The following CHORDC1 variants were observed in gnomAD, a reference collection of about 807,000 sequenced individuals.
CHORDC1 encodes the protein cysteine and histidine rich domain containing 1, also known as cysteine and histidine-rich domain-containing protein 1.
In CHORDC1, 25 loss-of-function variants were observed where a neutral mutation model predicts 48.3. That is an observed-to-expected ratio of 0.52 (90% CI 0.38 to 0.72). The LOEUF (loss-of-function observed/expected upper bound fraction) is 0.72, where lower values mean the gene tolerates loss of function less well. CHORDC1 is among the 30% of genes least tolerant of loss of function. CHORDC1 has a pLI of 0.00. For synonymous variants in CHORDC1, 128 were observed against 126.4 expected (o/e 1.01, Z -0.09); for missense variants, 317 against 388.7 (o/e 0.82, Z 1.55).
chr11:90,206,309 T>A lies in CHORDC1; in HGVS notation c.493-37A>T, dbSNP rs768955321. ...ACAAAGAGAAAAAAAATTAGCTGCG[T>A]ATCTTACAGTTACATCTCATACATA... On this transcript the variant is annotated intron_variant, in intron 6 of 10. Coordinates refer to ENST00000320585, the MANE Select transcript of CHORDC1 (RefSeq NM_012124.3). 3.6e-6 allele frequency: 4 copies of A among 1,111,618 alleles called. No individual in the cohort carries two copies. In the South Asian group the frequency reaches 5.0e-5, roughly 14 times the overall value. 68.9% of individuals were successfully genotyped at this position (1,111,618 alleles called of 1,614,324 possible). A position where few individuals can be genotyped will look rare whatever the true frequency, so the allele number is the denominator to read the frequency against.
intron 6 of CHORDC1, 80 bp downstream of exon 6, chr11:90,210,456 T>C: frequency 2.4e-6 from 2 of 832,784 alleles, no homozygotes; most frequent in East Asian, 5.0e-5. Context: ...CAAATGTTTG[T>C]TGAATTGAGT....
At chr11:90,213,173 G>A (rs1459672708) in intron 4 of CHORDC1, 3 of 407,166 alleles carry the variant, frequency 7.4e-6, no homozygotes, top group African/African-American at 2.0e-5. Flanking sequence ...TACTCAGAGT[G>A]CTAATGAACA....
At chr11:90,203,892 C>T (rs1857602987) in intron 8 of CHORDC1, among the ~76,000 whole-genome samples, 2 of 152,076 alleles carry the variant, frequency 1.3e-5, no homozygotes, top group African/African-American at 4.8e-5. Flanking sequence ...AGAAAAAAAT[C>T]TGACCAGTTA....
At chr11:90,221,035 G>GA (rs980045588) in intron 1 of CHORDC1, among the ~76,000 whole-genome samples, 1 of 149,960 alleles carries the variant, frequency 6.7e-6, no homozygotes, top group Non-Finnish European at 1.5e-5. Context: ...TCTCTAGGGG[G>GA]AAAAAAAAAT....
Position 90,212,974 on chromosome 11 carries a change from C to T in CHORDC1, c.329+1044G>A, listed in dbSNP as rs151047258. On this transcript the variant is annotated intron_variant, in intron 4 of 10. Transcript: ENST00000320585. ...GCCCATCATTTAAAGAAAAAATTAA[C>T]TCATACTATTATAGTACAGACTGTA... 2.6e-3 allele frequency: 395 copies of T among 153,064 alleles called. 1 individual carries two copies. The highest frequency in any genetic ancestry group is 3.8e-3 in the Non-Finnish European group (262 of 68,640). The allele number at this position is 153,064 out of a possible 1,614,324, so 9.5% of individuals were successfully genotyped here. A position where few individuals can be genotyped will look rare whatever the true frequency, so the allele number is the denominator to read the frequency against.
intron 7 of CHORDC1, chr11:90,205,804 G>T: frequency 2.1e-6 from 1 of 485,162 alleles, no homozygotes; most frequent in Non-Finnish European, 3.6e-6. Context: ...CAGAAGAGAG[G>T]CTCTCAACTG....
At chr11:90,202,790 T>C (rs1389189944) in intron 10 of CHORDC1, 23 bp downstream of exon 10, 3 of 1,571,548 alleles carry the variant, frequency 1.9e-6, no homozygotes, top group African/African-American at 2.8e-5. Flanking sequence ...GAAAAAAAAT[T>C]CTTATAAATT....
intron 9 of CHORDC1, 144 bp from the exon 10 acceptor site, chr11:90,203,019 G>A (rs1490300753): frequency 7.2e-6 from 8 of 1,108,526 alleles, no homozygotes; most frequent in South Asian, 1.9e-5. Flanking sequence ...TATGAGAAAA[G>A]CCACTGACAA....
intron 6 of CHORDC1, chr11:90,207,057 A>G (rs1857716101): frequency 6.9e-6 from 2 of 289,014 alleles, no homozygotes; most frequent in South Asian, 6.7e-5. Context: ...TCTTTTCCCC[A>G]TATTATTTGA....
At position 90,222,979 on chromosome 11, in the gene CHORDC1, A is replaced by G. The variant is rs751291513; in HGVS notation, c.-25T>C. On this transcript the variant is annotated 5_prime_UTR_variant, in exon 1 of 11. Transcript: ENST00000320585. ...TTTTCTTTTCCCACCGTCACAGGCA[A>G]GGCCCAAACACCGGGAACGGCAAGA... 13 of 1,602,396 alleles carry G rather than the reference A, an allele frequency of 8.1e-6. No individual in the cohort carries two copies. In the East Asian group the frequency reaches 2.9e-4, roughly 36 times the overall value.
intron 9 of CHORDC1, 96 bp from the exon 10 acceptor site, chr11:90,202,971 A>G: frequency 1.5e-6 from 2 of 1,372,464 alleles, no homozygotes; most frequent in East Asian, 5.0e-5. Context: ...AAAATGAATT[A>G]AGCTATTTTA....
intron 1 of CHORDC1, among the ~76,000 whole-genome samples, chr11:90,218,498 G>T (rs907550776): frequency 6.6e-6 from 1 of 152,012 alleles, no homozygotes; most frequent in Non-Finnish European, 1.5e-5. Flanking sequence ...CCCAAATTTT[G>T]ACCATCATTT....
intron 1 of CHORDC1, among the ~76,000 whole-genome samples, chr11:90,222,108 A>G (rs1858185863): frequency 6.6e-6 from 1 of 152,218 alleles, no homozygotes; most frequent in Admixed American, 6.5e-5. Context: ...CTTCTTTGTC[A>G]ATCAAAATTT....
intron 1 of CHORDC1, among the ~76,000 whole-genome samples, chr11:90,219,513 G>T (rs1193922101): frequency 1.3e-5 from 2 of 152,222 alleles, no homozygotes; most frequent in African/African-American, 4.8e-5. Context: ...AGGCTAGAAG[G>T]TTGTGAGTCT....
At position 90,202,475 on chromosome 11, in the gene CHORDC1, A is replaced by C; in HGVS notation, c.929T>G (p.Met310Arg). 6.2e-7 allele frequency: 1 copy of C among 1,612,544 alleles called. No homozygotes were observed. Among genetic ancestry groups the C allele is most frequent in the Non-Finnish European group, 8.5e-7 (1 of 1,179,686 alleles). The change falls in exon 11 of 11, where the codon ATG becomes AGG. Residue 310 changes from methionine to arginine, a missense_variant. By Grantham distance (91) the Met-to-Arg change is moderately conservative (BLOSUM62 -1). Coordinates refer to ENST00000320585, the MANE Select transcript of CHORDC1 (RefSeq NM_012124.3). ...AGGCAGTTCAAGGCTTGCCCACTGC[A>C]TCGGTTCAGCTTTTCTCATAGTGAT... The part of the protein sequence containing the change: ...IEITMRKAEP[M>R]QWASLELPAA...
intron 6 of CHORDC1, chr11:90,207,182 A>G (rs1345763412): frequency 6.2e-6 from 1 of 161,852 alleles, no homozygotes; most frequent in Non-Finnish European, 1.4e-5. Context: ...TGACTTGAAT[A>G]TATTAATTTG....
chr11:90,207,017 A>C (rs1002738112), intron 6 of CHORDC1: 3 of 327,382 alleles, frequency 9.2e-6, no homozygotes, highest in Non-Finnish European at 1.8e-5. Context: ...AGCATCTACT[A>C]AACTTAATGC....
chr11:90,206,543 A>G, intron 6 of CHORDC1: 1 of 387,624 alleles, frequency 2.6e-6, no homozygotes, highest in Non-Finnish European at 4.8e-6. Flanking sequence ...ATATTCAAGT[A>G]CTTACTTAGT....
At chr11:90,213,438 C>T in intron 4 of CHORDC1, 1 of 697,442 alleles carries the variant, frequency 1.4e-6, no homozygotes, top group East Asian at 2.7e-5. Flanking sequence ...AACAAAGGTA[C>T]TCAATATACA....
Sources: gnomAD v4.1 joint callset for allele counts (sites outside exome capture counted in the v4.1 genomes callset) on GRCh38, gnomAD v4.1.1 for gene constraint, MANE v1.5 for transcripts, NCBI Gene and HGNC (gene_info 2026-07-23, HGNC 2026-07-21) for gene names.